BAZ1B: variants seen among roughly 807,000 people sequenced by gnomAD.
The protein encoded by BAZ1B is bromodomain adjacent to zinc finger domain 1B, also known as tyrosine-protein kinase BAZ1B.
A neutral mutation model predicts 153.8 loss-of-function variants in BAZ1B; 22 were observed. The ratio of observed to expected loss-of-function variants is 0.14; its 90% CI spans 0.10 to 0.20. BAZ1B has a LOEUF of 0.20. Among genes scored for constraint, BAZ1B ranks in the 10% least tolerant of loss-of-function variants. The pLI is 1.00. For missense variants in BAZ1B, 1,325 were observed against 1,799.3 expected, an observed-to-expected ratio of 0.74 and a Z score of 4.77; for synonymous variants, 676 against 633.4, an observed-to-expected ratio of 1.07 and a Z score of -1.01.
At chr7:73,460,328 T>G (rs1554570180) in intron 12 of BAZ1B, among the ~76,000 whole-genome samples, 1 of 152,082 alleles carries the variant, frequency 6.6e-6, no homozygotes, top group African/African-American at 2.4e-5. Context: ...GAGTGCCTAC[T>G]ATGTGTAAAA....
intron 6 of BAZ1B, among the ~76,000 whole-genome samples, chr7:73,488,635 G>A (rs1789513640): frequency 1.3e-5 from 2 of 148,318 alleles, no homozygotes; most frequent in Non-Finnish European, 3.0e-5. Context: ...AGGAGGCTGA[G>A]AAGAAGGAGA....
intron 13 of BAZ1B, among the ~76,000 whole-genome samples, chr7:73,454,192 A>G (rs1306476): frequency 0.22 from 33,843 of 151,912 alleles, 4,475 homozygotes; most frequent in African/African-American, 0.36. Flanking sequence ...CAGGAATGGT[A>G]GCAGGCACCT....
intron 19 of BAZ1B, 130 bp downstream of exon 19, chr7:73,442,051 T>C (rs2116205909): frequency 2.9e-6 from 2 of 686,162 alleles, no homozygotes; most frequent in Non-Finnish European, 4.9e-6. Context: ...TAAAGAGCTT[T>C]TAGAAAAACA....
intron 4 of BAZ1B, among the ~76,000 whole-genome samples, chr7:73,494,208 CCT>C (rs1277003153): frequency 1.3e-5 from 2 of 152,032 alleles, no homozygotes; most frequent in African/African-American, 4.8e-5. Flanking sequence ...ATGGTGAAAC[CCT>C]GTCTCTACAA....
intron 4 of BAZ1B, 32 bp from the exon 5 acceptor site, chr7:73,492,953 G>GT (rs764173249): frequency 2.3e-4 from 364 of 1,564,190 alleles, no homozygotes; most frequent in Non-Finnish European, 2.5e-4. Flanking sequence ...AGTGAAAAAC[G>GT]TAATTATTTT....
chr7:73,467,057 C>G (rs1788616884), intron 9 of BAZ1B, among the ~76,000 whole-genome samples: 1 of 152,094 alleles, frequency 6.6e-6, no homozygotes, highest in Non-Finnish European at 1.5e-5. Context: ...CTCAGACTCC[C>G]GAGTGGCTGG....
At chr7:73,500,934 A>G (rs1554577040) in intron 3 of BAZ1B, among the ~76,000 whole-genome samples, 1 of 148,376 alleles carries the variant, frequency 6.7e-6, no homozygotes, top group Non-Finnish European at 1.5e-5. Flanking sequence ...TTGCAAAGCA[A>G]CCCTTATGAT....
At chr7:73,470,804 C>CG (rs1788774077) in intron 7 of BAZ1B, among the ~76,000 whole-genome samples, 1 of 152,086 alleles carries the variant, frequency 6.6e-6, no homozygotes, top group African/African-American at 2.4e-5. Context: ...GGTGCGATCT[C>CG]GGCTCACTGC....
rs1231924592 is a variant in BAZ1B at position 73,444,120 on chromosome 7, C to T, written c.3854G>A (p.Arg1285Gln). 4 of 1,596,008 alleles carry T rather than the reference C, an allele frequency of 2.5e-6. No homozygotes were observed. The highest frequency in any genetic ancestry group is 1.1e-5 in the South Asian group (1 of 88,914). The change falls in exon 17 of 20, where the codon CGA (arginine) becomes CAA (glutamine). Residue 1285 changes from arginine to glutamine, a missense_variant. Transcript: ENST00000339594. ...GCTGTGCTTGCCCCGGATGGTCTTT[C>T]GAGGTCTCACTGAAAGAAAAACTAT... ...YEVAGLRLRP[R>Q]KTIRGKHSVI...
chr7:73,488,714 C>CA (rs35812071), intron 6 of BAZ1B, among the ~76,000 whole-genome samples: 2,280 of 58,688 alleles, frequency 0.039, 19 homozygotes, highest in Non-Finnish European at 0.046. Context: ...GACTCCAACT[C>CA]AAAAAAAAAA....
In BAZ1B at chr7:73,477,699, T is replaced by C. The variant is rs111426215; in HGVS notation, c.1762A>G (p.Lys588Glu). Reference protein sequence around the residue: ...KRYEDQELTGKNLPAFRLVDT... With the variant: ...KRYEDQELTGENLPAFRLVDT... The stretch of plus-strand genomic sequence containing the variant: ...ACCAATCTGAATGCTGGAAGGTTTT[T>C]GCCAGTTAACTCTTGGTCCTCATAC... Residue 588 changes from lysine to glutamate, a missense_variant, in exon 7 of 20, where the codon AAA becomes GAA. By Grantham distance (56) the Lys-to-Glu change is moderately conservative. This residue lies in a region of BAZ1B where 154 missense variants were observed against 266.3 expected (regional missense o/e 0.58). Transcript: ENST00000339594. The surrounding 1 kb of genome is among the most constrained non-coding windows in gnomAD (Gnocchi z 5.6). The C allele has an allele frequency of 6.2e-7, 1 of 1,614,224 alleles. No homozygotes were observed.
intron 9 of BAZ1B, among the ~76,000 whole-genome samples, chr7:73,467,669 C>T (rs1788647713): frequency 6.6e-6 from 1 of 152,190 alleles, no homozygotes; most frequent in African/African-American, 2.4e-5. Flanking sequence ...CTGCATCCAG[C>T]CTCAGTTGGG....
At chr7:73,465,285 C>T (rs1788539045) in intron 11 of BAZ1B, among the ~76,000 whole-genome samples, 154 bp downstream of exon 11, 1 of 151,884 alleles carries the variant, frequency 6.6e-6, no homozygotes, top group African/African-American at 2.4e-5. Flanking sequence ...GCATAATATG[C>T]CAAGAAAATA....
intron 1 of BAZ1B, among the ~76,000 whole-genome samples, chr7:73,520,778 C>T (rs558737112): frequency 3.4e-4 from 51 of 152,190 alleles, no homozygotes; most frequent in Non-Finnish European, 6.2e-4. Flanking sequence ...TCCTCCTATA[C>T]AGAAGCAAGC....
At chr7:73,451,126 T>C (rs1369537659) in intron 13 of BAZ1B, 132 bp from the exon 14 acceptor site, 4 of 1,196,802 alleles carry the variant, frequency 3.3e-6, no homozygotes, top group Non-Finnish European at 4.5e-6. Flanking sequence ...CTAAACCATT[T>C]ATTCTTATAA....
intron 3 of BAZ1B, among the ~76,000 whole-genome samples, chr7:73,505,631 GA>G (rs35221024): frequency 0.2 from 29,527 of 145,316 alleles, 3,143 homozygotes; most frequent in African/African-American, 0.27. Flanking sequence ...TCCTGAGAGG[GA>G]AAAAAAAAAA....
At chr7:73,487,652 G>A (rs1789462057) in intron 6 of BAZ1B, among the ~76,000 whole-genome samples, 1 of 152,140 alleles carries the variant, frequency 6.6e-6, no homozygotes, top group African/African-American at 2.4e-5. Flanking sequence ...TTCTCATATA[G>A]CGAAGATAGG....
rs1199134787 is a variant in BAZ1B, at chr7:73,477,064, T to C, written c.2397A>G (p.Lys799=). 1 of 1,614,222 alleles carries C rather than the reference T, an allele frequency of 6.2e-7. No homozygotes were observed. The change falls in exon 7 of 20, where the codon AAA becomes AAG. Residue 799 remains lysine (K), a synonymous_variant. Transcript: ENST00000339594. This position sits in a 1 kb window ranked among gnomAD's most constrained non-coding sequence, Gnocchi z 5.6. ...TTTCTTTATTTTTGGCTTCCATTTCTTTCCGTTTCTGTTTCTCTGCTCTCT... is the reference window on the plus strand; with the variant it reads ...TTTCTTTATTTTTGGCTTCCATTTCCTTCCGTTTCTGTTTCTCTGCTCTCT... ...DKKRAEKQKR[K]EMEAKNKENG...
chr7:73,472,757 T>G (rs1788857460), intron 7 of BAZ1B, among the ~76,000 whole-genome samples: 1 of 150,904 alleles, frequency 6.6e-6, no homozygotes, highest in South Asian at 2.1e-4. Flanking sequence ...ATTTATTTAT[T>G]TATTTATTTA....
Sources: allele counts gnomAD v4.1 joint callset (sites outside exome capture counted in the v4.1 genomes callset), GRCh38; gene constraint gnomAD v4.1.1; regional missense constraint gnomAD v4.1.1; non-coding constraint Gnocchi (gnomAD v3.1); transcripts MANE v1.5; gene names NCBI Gene and HGNC (gene_info 2026-07-23, HGNC 2026-07-21).